The following SGCD variants were observed in gnomAD, a reference collection of about 807,000 sequenced individuals.
SGCD encodes delta-sarcoglycan.
In SGCD, 18 loss-of-function variants were observed where a neutral mutation model predicts 36.6. The observed-to-expected ratio is 0.49, with a 90% CI of 0.34 to 0.73. SGCD has a LOEUF of 0.73. SGCD is among the 30% of genes least tolerant of loss of function. SGCD has a pLI of 0.01. For synonymous variants in SGCD, 133 were observed against 130.6 expected, an observed-to-expected ratio of 1.02 and a Z score of -0.12; for missense variants, 387 against 346.7, an observed-to-expected ratio of 1.12 and a Z score of -0.92.
chr5:156,676,684 G>T (rs529551738), intron 7 of SGCD, among the ~76,000 whole-genome samples: 56 of 152,288 alleles, frequency 3.7e-4, no homozygotes, highest in African/African-American at 1.3e-3. Flanking sequence ...AGCAGCCTCA[G>T]AATGTCATTT....
chr5:156,629,184 T>G (rs1372004725), intron 6 of SGCD, among the ~76,000 whole-genome samples: 1 of 152,184 alleles, frequency 6.6e-6, no homozygotes, highest in Non-Finnish European at 1.5e-5. Flanking sequence ...GTTAGAATCT[T>G]GAATGTTACC....
At chr5:156,477,049 G>GAAAA (rs5872462) in intron 3 of SGCD, among the ~76,000 whole-genome samples, 31 of 123,026 alleles carry the variant, frequency 2.5e-4, no homozygotes, top group African/African-American at 8.1e-4. Flanking sequence ...AAGAGAAAAA[G>GAAAA]AAAAAAAAAA....
At chr5:156,323,543 A>T (rs1767727695), upstream of SGCD, among the ~76,000 whole-genome samples, 1 of 146,846 alleles carries the variant, frequency 6.8e-6, no homozygotes, top group South Asian at 2.2e-4. Context: ...CATCCTAGAC[A>T]TTGGAAAAAT....
At chr5:156,550,100 G>A (rs1422251844) in intron 4 of SGCD, among the ~76,000 whole-genome samples, 2 of 152,336 alleles carry the variant, frequency 1.3e-5, no homozygotes, top group South Asian at 4.1e-4. Context: ...GAGGGGGAAA[G>A]AAGTAGATCC....
At chr5:156,269,510 A>AACAAAAG (rs1408141297) in intron 3 of SGCD, among the ~76,000 whole-genome samples, 2 of 137,650 alleles carry the variant, frequency 1.5e-5, no homozygotes, top group Non-Finnish European at 3.1e-5. Flanking sequence ...AAAAAAAAAA[A>AACAAAAG]CCATCAGATC....
chr5:156,620,891 G>A (rs1174546662), intron 6 of SGCD, among the ~76,000 whole-genome samples: 1 of 152,146 alleles, frequency 6.6e-6, no homozygotes, highest in East Asian at 1.9e-4. Flanking sequence ...AGGATGTGGT[G>A]GAAATGGGAA....
intron 3 of SGCD, among the ~76,000 whole-genome samples, chr5:156,462,522 A>T (rs1279592773): frequency 6.6e-6 from 1 of 152,208 alleles, no homozygotes; most frequent in Non-Finnish European, 1.5e-5. Flanking sequence ...TACAATTTTG[A>T]TCTCTTTAAT....
At chr5:156,096,377 G>A (rs1395624915) in intron 1 of SGCD, among the ~76,000 whole-genome samples, 2 of 152,232 alleles carry the variant, frequency 1.3e-5, no homozygotes, top group East Asian at 3.8e-4. Flanking sequence ...TAGCAGTGGG[G>A]AAATGGCTGA....
At chr5:155,795,119 C>T in the SGCD span, among the ~76,000 whole-genome samples, 2 of 151,958 alleles carry the variant, frequency 1.3e-5, no homozygotes, top group African/African-American at 2.4e-5. Context: ...AAAATATAAA[C>T]ATTTTAGACA....
chr5:156,106,735 G>T (rs1368610160), intron 1 of SGCD, among the ~76,000 whole-genome samples: 2 of 152,182 alleles, frequency 1.3e-5, no homozygotes, highest in Non-Finnish European at 2.9e-5. Flanking sequence ...AGTCTCTTTA[G>T]AAGACAGATA....
At chr5:155,812,446 T>A in the SGCD span, among the ~76,000 whole-genome samples, 1 of 152,210 alleles carries the variant, frequency 6.6e-6, no homozygotes, top group East Asian at 1.9e-4. Context: ...CAATTTTGTA[T>A]TTACAATAAT....
chr5:156,452,776 T>G (rs535154799), intron 3 of SGCD, among the ~76,000 whole-genome samples: 1 of 152,318 alleles, frequency 6.6e-6, no homozygotes, highest in African/African-American at 2.4e-5. Flanking sequence ...CCTGACATGC[T>G]GGAATGATGG....
chr5:156,485,923 C>T (rs139508558), intron 3 of SGCD, among the ~76,000 whole-genome samples: 40 of 152,210 alleles, frequency 2.6e-4, no homozygotes, highest in African/African-American at 8.2e-4. Flanking sequence ...TTCATGTTCC[C>T]ACCAGGGACT....
the SGCD span, among the ~76,000 whole-genome samples, chr5:155,782,878 G>A: frequency 5.3e-5 from 8 of 152,246 alleles, no homozygotes; most frequent in South Asian, 1.0e-3. Context: ...CCTGGTCAGT[G>A]GAAAAATTGT....
chr5:156,161,060 G>A (rs1411080861), intron 3 of SGCD, among the ~76,000 whole-genome samples: 1 of 151,698 alleles, frequency 6.6e-6, no homozygotes, highest in Non-Finnish European at 1.5e-5. Flanking sequence ...CTTATAGCCT[G>A]CTTAGATATT....
At chr5:156,074,302 T>C (rs1561707951) in intron 1 of SGCD, among the ~76,000 whole-genome samples, 1 of 152,044 alleles carries the variant, frequency 6.6e-6, no homozygotes, top group Non-Finnish European at 1.5e-5. Flanking sequence ...GGGGTCAGAT[T>C]GAAGGGAGCT....
chr5:156,643,060 T>TTCACC (rs1763098276), intron 6 of SGCD, among the ~76,000 whole-genome samples: 1 of 150,444 alleles, frequency 6.6e-6, no homozygotes, highest in Non-Finnish European at 1.5e-5. Context: ...GAAACGGAGT[T>TTCACC]TCACCCTTGT....
At chr5:156,362,855 A>G (rs1210102551) in intron 3 of SGCD, among the ~76,000 whole-genome samples, 1 of 152,208 alleles carries the variant, frequency 6.6e-6, no homozygotes, top group Non-Finnish European at 1.5e-5. Flanking sequence ...GAATTATAGC[A>G]ATATATTAAT....
intron 3 of SGCD, among the ~76,000 whole-genome samples, chr5:156,507,231 C>G (rs1023824082): frequency 6.6e-6 from 1 of 152,134 alleles, no homozygotes; most frequent in Non-Finnish European, 1.5e-5. Context: ...AGTGAAATCT[C>G]AAGGGTCCTT....
Sources: gnomAD v4.1 joint callset for allele counts (sites outside exome capture counted in the v4.1 genomes callset) on GRCh38, gnomAD v4.1.1 for gene constraint, MANE v1.5 for transcripts, NCBI Gene and HGNC (gene_info 2026-07-23, HGNC 2026-07-21) for gene names.